Variants in L3MBTL4 observed in about 807,000 individuals in gnomAD.
L3MBTL4 encodes L3MBTL histone methyl-lysine binding protein 4, also known as lethal(3)malignant brain tumor-like protein 4.
L3MBTL4 carries 70 observed loss-of-function variants against 84.5 expected under a neutral mutation model. That is an observed-to-expected ratio of 0.83 (90% CI 0.68 to 1.01). The LOEUF (loss-of-function observed/expected upper bound fraction) is 1.01. L3MBTL4 is among the 50% of genes least tolerant of loss of function. The probability of loss-of-function intolerance (pLI) is 0.00; values close to 1 mark genes in which losing one functional copy is unlikely to be tolerated. For synonymous variants in L3MBTL4, 274 were observed against 259.8 expected (o/e 1.05, Z -0.52); for missense variants, 715 against 754.8 (o/e 0.95, Z 0.62).
At chr18:6,116,466 C>T (rs1209646574) in intron 14 of L3MBTL4, among the ~76,000 whole-genome samples, 13 of 150,974 alleles carry the variant, frequency 8.6e-5, no homozygotes, top group East Asian at 3.9e-4. Flanking sequence ...CGGGTTCAAG[C>T]GATGCTCCTG....
chr18:6,335,748 G>A (rs1170708979), intron 1 of L3MBTL4, among the ~76,000 whole-genome samples: 1 of 152,146 alleles, frequency 6.6e-6, no homozygotes, highest in African/African-American at 2.4e-5. Context: ...ATAAGCATTT[G>A]ACAATACCTC....
At chr18:6,158,477 T>G (rs1441130081) in intron 13 of L3MBTL4, among the ~76,000 whole-genome samples, 1 of 152,030 alleles carries the variant, frequency 6.6e-6, no homozygotes, top group African/African-American at 2.4e-5. Context: ...TGTTCACCAA[T>G]TGAGAGAAAG....
At chr18:6,192,008 A>G (rs1408395759) in intron 12 of L3MBTL4, among the ~76,000 whole-genome samples, 7 of 143,882 alleles carry the variant, frequency 4.9e-5, no homozygotes, top group Admixed American at 1.4e-4. Flanking sequence ...CCCCCCCTCA[A>G]AAAAAAAAAG....
At chr18:6,042,189 G>C (rs534044631) in intron 16 of L3MBTL4, among the ~76,000 whole-genome samples, 10 of 152,076 alleles carry the variant, frequency 6.6e-5, no homozygotes, top group Non-Finnish European at 1.0e-4. Flanking sequence ...TACAGAAGCC[G>C]TTCCTCCTCC....
intron 16 of L3MBTL4, among the ~76,000 whole-genome samples, chr18:6,069,181 TGA>T (rs1272432967): frequency 6.6e-6 from 1 of 152,232 alleles, no homozygotes; most frequent in African/African-American, 2.4e-5. Context: ...ATTTCTCAAA[TGA>T]GAGTTACAAT....
At chr18:6,406,038 G>A (rs11081233) in intron 1 of L3MBTL4, among the ~76,000 whole-genome samples, 37,717 of 152,172 alleles carry the variant, frequency 0.25, 5,396 homozygotes, top group East Asian at 0.42. Context: ...CTGGCTTCAT[G>A]ATTTCCAACT....
At chr18:6,086,937 G>T (rs1017668457) in intron 15 of L3MBTL4, among the ~76,000 whole-genome samples, 40 of 152,180 alleles carry the variant, frequency 2.6e-4, no homozygotes, top group Admixed American at 1.8e-3. Flanking sequence ...AATGAATATC[G>T]ATGTCATGAG....
intron 16 of L3MBTL4, among the ~76,000 whole-genome samples, chr18:6,008,882 A>C (rs1438521308): frequency 6.6e-6 from 1 of 152,150 alleles, no homozygotes; most frequent in Non-Finnish European, 1.5e-5. Flanking sequence ...ATTGACATAA[A>C]CCATTTCAGA....
At chr18:6,161,277 C>T (rs1016579274) in intron 13 of L3MBTL4, among the ~76,000 whole-genome samples, 2 of 152,136 alleles carry the variant, frequency 1.3e-5, no homozygotes, top group African/African-American at 4.8e-5. Flanking sequence ...TGCAGGTGAT[C>T]ATCTGTAGTT....
intron 14 of L3MBTL4, among the ~76,000 whole-genome samples, chr18:6,117,485 G>A (rs2059394022): frequency 6.6e-6 from 1 of 152,202 alleles, no homozygotes. Flanking sequence ...TGATTTGAGT[G>A]GATAATTCCC....
intron 16 of L3MBTL4, among the ~76,000 whole-genome samples, chr18:6,068,325 A>G (rs1431148673): frequency 1.3e-5 from 2 of 152,166 alleles, no homozygotes; most frequent in Non-Finnish European, 2.9e-5. Flanking sequence ...GGTGGTAGCT[A>G]AAGAGATGCA....
intron 1 of L3MBTL4, among the ~76,000 whole-genome samples, chr18:6,369,300 A>G (rs2054062892): frequency 1.3e-5 from 2 of 152,160 alleles, no homozygotes; most frequent in African/African-American, 4.8e-5. Context: ...AACAGAAGAT[A>G]TAAGAAAGTA....
intron 1 of L3MBTL4, among the ~76,000 whole-genome samples, chr18:6,315,208 C>G (rs2051034294): frequency 6.6e-6 from 1 of 152,156 alleles, no homozygotes. Flanking sequence ...GAATTTATCA[C>G]CAAAATATCG....
chr18:6,325,765 T>C (rs1382803952), intron 1 of L3MBTL4, among the ~76,000 whole-genome samples: 1 of 152,200 alleles, frequency 6.6e-6, no homozygotes, highest in Non-Finnish European at 1.5e-5. Context: ...GTATGTTGCC[T>C]TGTATAAATA....
intron 16 of L3MBTL4, among the ~76,000 whole-genome samples, chr18:5,992,416 G>A (rs554120674): frequency 6.6e-6 from 1 of 152,276 alleles, no homozygotes; most frequent in South Asian, 2.1e-4. Flanking sequence ...GGGACAGTGT[G>A]GGGCATGAGG....
intron 16 of L3MBTL4, chr18:6,032,231 C>A: frequency 1.5e-6 from 1 of 645,698 alleles, no homozygotes; most frequent in Non-Finnish European, 1.9e-6. Context: ...CCTGCCTCGG[C>A]CTCCCAAAGT....
chr18:6,375,986 C>CT (rs1305575359), intron 1 of L3MBTL4, among the ~76,000 whole-genome samples: 3 of 152,166 alleles, frequency 2.0e-5, no homozygotes, highest in Admixed American at 2.0e-4. Flanking sequence ...CTCATCCCTG[C>CT]CCTGCTCAAG....
chr18:6,231,999 T>C lies in L3MBTL4; in HGVS notation c.784+5965A>G, dbSNP rs78820255. On this transcript the variant is annotated intron_variant, in intron 10 of 18. Coordinates refer to ENST00000317931, the MANE Select transcript of L3MBTL4 (RefSeq NM_001330559.2). ...AGGAAAAGCTTTCAGACATTCACCA[T>C]TGAGTATGATATTCCCTGTGGGTTT... Among the ~76,000 whole-genome samples, 111 of 152,288 alleles carry C rather than the reference T, an allele frequency of 7.3e-4. 2 individuals carry two copies. In the East Asian group the frequency reaches 0.021, roughly 28 times the overall value.
rs186095555 is a variant in L3MBTL4, at chr18:6,335,364, T to A, written c.-90-23308A>T. ...CCTCAGCCTCCCAAAGTGCTGGGAT[T>A]ACAGGTATGAGCCACTGCGCCTGTC... is the stretch of plus-strand genomic sequence containing the variant. On this transcript the variant is annotated intron_variant, in intron 1 of 18. Coordinates refer to ENST00000317931, the MANE Select transcript of L3MBTL4 (RefSeq NM_001330559.2). 1.6e-4 allele frequency among the ~76,000 whole-genome samples: 24 copies of A among 152,288 alleles called. No individual in the cohort carries two copies. The East Asian group carries it at 3.3e-3, about 21-fold the overall frequency.
Sources: allele counts gnomAD v4.1 joint callset (sites outside exome capture counted in the v4.1 genomes callset), GRCh38; gene constraint gnomAD v4.1.1; transcripts MANE v1.5; gene names NCBI Gene and HGNC (gene_info 2026-07-23, HGNC 2026-07-21).